Variants in GLRX5 observed in about 807,000 individuals in gnomAD.
GLRX5 encodes the protein glutaredoxin-related protein 5, mitochondrial.
Under a neutral mutation model 13.8 loss-of-function variants are expected in GLRX5, and 10 were observed. The observed-to-expected ratio is 0.72, with a 90% CI of 0.45 to 1.23. The LOEUF is 1.23. GLRX5 is among the 50% of genes most tolerant of loss of function. GLRX5 has a pLI of 0.00. For synonymous variants in GLRX5, 98 were observed against 101.1 expected (o/e 0.97, Z 0.18); for missense variants, 233 against 215.2 (o/e 1.08, Z -0.52).
Position 95,544,037 on chromosome 14 carries a change from A to G in GLRX5, c.386A>G (p.His129Arg), listed in dbSNP as rs747725579. The G allele has an allele frequency of 2.5e-6, 4 of 1,614,032 alleles. No individual in the cohort carries two copies. In the Admixed American group the frequency reaches 6.7e-5, roughly 27 times the overall value. ...VGGCDILLQM[H>R]QNGDLVEELK... ...GGCTGTGACATTCTTCTGCAGATGCACCAGAATGGGGACTTGGTGGAAGAA... is the reference window on the plus strand; with the variant it reads ...GGCTGTGACATTCTTCTGCAGATGCGCCAGAATGGGGACTTGGTGGAAGAA... Residue 129 changes from histidine to arginine, a missense_variant, in exon 2 of 2, where the codon CAC becomes CGC. Physicochemically the swap from His to Arg is conservative, Grantham distance 29. Coordinates refer to ENST00000331334, the MANE Select transcript of GLRX5 (RefSeq NM_016417.3).
chr14:95,543,848 A>G, intron 1 of GLRX5, 99 bp from the exon 2 acceptor site: 2 of 1,008,390 alleles, frequency 2.0e-6, no homozygotes, highest in Non-Finnish European at 1.6e-6. Flanking sequence ...AGGGAGGGAC[A>G]GTGGGTTGTC....
intron 1 of GLRX5, among the ~76,000 whole-genome samples, chr14:95,542,524 T>G (rs1024106314): frequency 6.6e-6 from 1 of 152,180 alleles, no homozygotes; most frequent in African/African-American, 2.4e-5. Context: ...AAGAAAAAAA[T>G]AAATAGTATA....
At chr14:95,541,083 C>T (rs1056391807) in intron 1 of GLRX5, among the ~76,000 whole-genome samples, 4 of 152,160 alleles carry the variant, frequency 2.6e-5, no homozygotes, top group Non-Finnish European at 5.9e-5. Context: ...GAATCACCAC[C>T]GTCTATCACA....
intron 1 of GLRX5, among the ~76,000 whole-genome samples, chr14:95,542,803 G>T (rs767833510): frequency 6.6e-6 from 1 of 152,110 alleles, no homozygotes; most frequent in Non-Finnish European, 1.5e-5. Flanking sequence ...GACCATCTTC[G>T]TTTTTAACAT....
rs893326599 is a variant in GLRX5 at position 95,544,114 on chromosome 14, G to T, written c.463G>T (p.Asp155Tyr). Residue 155 changes from aspartate to tyrosine, a missense_variant, in exon 2 of 2, where the codon GAC (aspartate) becomes TAC (tyrosine). By Grantham distance (160) the Asp-to-Tyr change is radical (BLOSUM62 -3). Transcript: ENST00000331334. ...CCTTTTAGATGAAAAGAAAGACCAA[G>T]ACTCCAAGTGAGGGCGGCCAAGTCC... ...SALLDEKKDQ[D>Y]SK is the part of the protein sequence containing the mutation. The T allele has an allele frequency of 3.1e-6, 5 of 1,613,966 alleles. No individual in the cohort carries two copies. Among genetic ancestry groups the T allele is most frequent in the Middle Eastern group, 3.3e-4 (2 of 6,042 alleles).
chr14:95,542,886 G>A (rs1281238629), intron 1 of GLRX5: 5 of 374,010 alleles, frequency 1.3e-5, no homozygotes, highest in Non-Finnish European at 2.2e-5. Context: ...AGTAGAAAAG[G>A]AAGTAGACTG....
Position 95,535,364 on chromosome 14 carries a change from A to G in GLRX5, c.275A>G (p.Asp92Gly). 3.2e-6 allele frequency: 5 copies of G among 1,551,680 alleles called. No individual in the cohort carries two copies. The highest frequency in any genetic ancestry group is 2.4e-5 in the East Asian group (1 of 41,362). ...VRDYAAYNVL[D>G]DPELRQGIKD... ...GATTACGCGGCCTACAACGTGCTGGACGACCCGGAGCTCCGACAAGGTCAG... is the reference window on the plus strand; with the variant it reads ...GATTACGCGGCCTACAACGTGCTGGGCGACCCGGAGCTCCGACAAGGTCAG... The change falls in exon 1 of 2, where the codon GAC becomes GGC. Residue 92 changes from aspartate to glycine, a missense_variant. By Grantham distance (94) the Asp-to-Gly change is moderately conservative. Coordinates refer to ENST00000331334, the MANE Select transcript of GLRX5 (RefSeq NM_016417.3).
At chr14:95,539,341 G>A (rs140183330) in intron 1 of GLRX5, among the ~76,000 whole-genome samples, 126 of 152,252 alleles carry the variant, frequency 8.3e-4, no homozygotes, top group African/African-American at 2.7e-3. Flanking sequence ...AAGGGATCTT[G>A]GTCTATTAGC....
intron 1 of GLRX5, 35 bp from the exon 2 acceptor site, chr14:95,543,912 C>T (rs769473294): frequency 1.9e-6 from 3 of 1,572,658 alleles, no homozygotes; most frequent in Non-Finnish European, 2.6e-6. Flanking sequence ...CAGCTTTTAC[C>T]ATTTAAATAA....
At chr14:95,540,025 G>T (rs1007619128) in intron 1 of GLRX5, among the ~76,000 whole-genome samples, 16 of 152,082 alleles carry the variant, frequency 1.1e-4, no homozygotes, top group Non-Finnish European at 2.1e-4. Flanking sequence ...AAGGAGCTGG[G>T]ATTGCAGGCA....
At chr14:95,536,154 G>C (rs567050687) in intron 1 of GLRX5, among the ~76,000 whole-genome samples, 2 of 152,322 alleles carry the variant, frequency 1.3e-5, no homozygotes, top group Admixed American at 1.3e-4. Flanking sequence ...TGGAGCCCAG[G>C]GGGCCAGGGC....
chr14:95,542,909 G>T (rs1383319678), intron 1 of GLRX5: 2 of 398,894 alleles, frequency 5.0e-6, no homozygotes, highest in African/African-American at 4.1e-5. Flanking sequence ...GAAGAGGAAT[G>T]TTAAGAGTAA....
rs144232181 is a variant in GLRX5, at chr14:95,539,077, G to A, written c.295+3693G>A. 3.3e-5 allele frequency among the ~76,000 whole-genome samples: 5 copies of A among 152,350 alleles called. No homozygotes were observed. The East Asian group carries it at 9.6e-4, about 29-fold the overall frequency. On this transcript the variant is annotated intron_variant, in intron 1 of 1. Transcript: ENST00000331334. The stretch of plus-strand genomic sequence containing the variant: ...GTGACGACATTAGGTTCTCATAGGA[G>A]CACAAACTCTATTGTGAACTGCACA...
intron 1 of GLRX5, among the ~76,000 whole-genome samples, chr14:95,538,276 T>C (rs915037197): frequency 6.6e-6 from 1 of 152,258 alleles, no homozygotes; most frequent in Non-Finnish European, 1.5e-5. Flanking sequence ...TATCATTATA[T>C]TGCAAACTCT....
At chr14:95,543,024 TCA>T (rs1229540201) in intron 1 of GLRX5, 1 of 456,014 alleles carries the variant, frequency 2.2e-6, no homozygotes, top group Non-Finnish European at 4.4e-6. Context: ...AGCTGCGCTG[TCA>T]CAGAGTGTCC....
At chr14:95,537,192 A>G (rs1206859626) in intron 1 of GLRX5, among the ~76,000 whole-genome samples, 1 of 152,216 alleles carries the variant, frequency 6.6e-6, no homozygotes. Context: ...CTTGTTTAAT[A>G]TAACTGGAAA....
chr14:95,535,502 T>G, intron 1 of GLRX5, 118 bp downstream of exon 1: 1 of 1,015,106 alleles, frequency 9.9e-7, no homozygotes, highest in Non-Finnish European at 1.4e-6. Context: ...CCGGGGTCTG[T>G]CTGAAGGTTC....
At chr14:95,539,481 AAC>A (rs1184421993) in intron 1 of GLRX5, among the ~76,000 whole-genome samples, 3 of 152,272 alleles carry the variant, frequency 2.0e-5, no homozygotes, top group Non-Finnish European at 2.9e-5. Flanking sequence ...GCAAGTTGCA[AAC>A]ACGTAATTAT....
chr14:95,537,502 TG>T (rs1257834081), intron 1 of GLRX5, among the ~76,000 whole-genome samples: 6 of 152,320 alleles, frequency 3.9e-5, no homozygotes, highest in African/African-American at 1.4e-4. Flanking sequence ...CTGGGCAGGG[TG>T]GTAAAAGCAC....
Sources: gnomAD v4.1 joint callset for allele counts (sites outside exome capture counted in the v4.1 genomes callset) on GRCh38, gnomAD v4.1.1 for gene constraint, MANE v1.5 for transcripts, NCBI Gene and HGNC (gene_info 2026-07-23, HGNC 2026-07-21) for gene names.